The following RADIL variants were observed in gnomAD, a reference collection of about 807,000 sequenced individuals.
RADIL encodes the protein ras-associating and dilute domain-containing protein.
In RADIL, 99 loss-of-function variants were observed where a neutral mutation model predicts 97.6. That is an observed-to-expected ratio of 1.01 (90% CI 0.86 to 1.20). The LOEUF (loss-of-function observed/expected upper bound fraction) is 1.20. Among genes scored for constraint, RADIL ranks in the 50% most tolerant of loss-of-function variants. The pLI, the probability that RADIL is intolerant of heterozygous loss-of-function variation, is 0.00. For synonymous variants in RADIL, 803 were observed against 691.8 expected, an observed-to-expected ratio of 1.16 and a Z score of -2.52; for missense variants, 1,765 against 1,498.9, an observed-to-expected ratio of 1.18 and a Z score of -2.93.
rs1195970735 is a variant in RADIL at position 4,878,006 on chromosome 7, C to T, written c.134G>A (p.Ser45Asn). The T allele has an allele frequency of 6.2e-7, 1 of 1,611,284 alleles. No individual in the cohort carries two copies. Among genetic ancestry groups the T allele is most frequent in the East Asian group, 2.2e-5 (1 of 44,834 alleles). ...GGCGGGGTCATCGCTGGCGCCCAGG[C>T]TGGAGAAGGTGGAGTCCAGGTCCCG... ...KYRDLDSTFSSLGASDDPAEL... is the reference protein window; with the variant it reads ...KYRDLDSTFSNLGASDDPAEL... Residue 45 changes from serine (S) to asparagine (N), a missense_variant, in exon 2 of 15, where the codon AGC becomes AAC. Coordinates refer to ENST00000399583, the MANE Select transcript of RADIL (RefSeq NM_018059.5). This position sits in a 1 kb window ranked among gnomAD's most constrained non-coding sequence, Gnocchi z 4.1.
intron 2 of RADIL, among the ~76,000 whole-genome samples, chr7:4,868,430 C>T (rs1282540767): frequency 6.6e-6 from 1 of 152,142 alleles, no homozygotes; most frequent in African/African-American, 2.4e-5. Context: ...TATCAGCAAC[C>T]CTCACAACTT....
At position 4,817,301 on chromosome 7, in the gene RADIL, T is replaced by C; in HGVS notation, c.1666A>G (p.Met556Val). The change falls in exon 7 of 15, where the codon ATG becomes GTG. Residue 556 changes from methionine (M) to valine (V), a missense_variant. By Grantham distance (21) the Met-to-Val change is conservative. Transcript: ENST00000399583. This position sits in a 1 kb window ranked among gnomAD's most constrained non-coding sequence, Gnocchi z 8.3. ...SCTLTASEEA[M>V]AVLEEVVLYA... ...AGCACCACCTCCTCCAGCACCGCCA[T>C]GGCCTCCTCGCTGGCCGTCAGCGTG... 2.5e-6 allele frequency: 4 copies of C among 1,612,664 alleles called. No homozygotes were observed. Among genetic ancestry groups the C allele is most frequent in the Non-Finnish European group, 3.4e-6 (4 of 1,179,746 alleles).
At chr7:4,829,885 C>A (rs567370590) in intron 5 of RADIL, among the ~76,000 whole-genome samples, 5 of 152,226 alleles carry the variant, frequency 3.3e-5, no homozygotes, top group African/African-American at 1.2e-4. Context: ...TATAAATTAC[C>A]CAGTCTCGGA....
At chr7:4,874,092 C>G (rs1372684664) in intron 2 of RADIL, among the ~76,000 whole-genome samples, 1 of 152,240 alleles carries the variant, frequency 6.6e-6, no homozygotes. Flanking sequence ...GCAGGAGAGA[C>G]CTCTCAGAGG....
rs567933960 is a variant in RADIL, at chr7:4,800,162, G to A, written c.2982+9C>T. 2 of 1,600,940 alleles carry A rather than the reference G, an allele frequency of 1.2e-6. No individual in the cohort carries two copies. Among genetic ancestry groups the A allele is most frequent in the Non-Finnish European group, 1.7e-6 (2 of 1,175,028 alleles). ...TATGGGGGTGCGGCGAGGGTCCTGGGCCACTCACCATCCCGTCGATCAGGC... is the reference window on the plus strand; with the variant it reads ...TATGGGGGTGCGGCGAGGGTCCTGGACCACTCACCATCCCGTCGATCAGGC... On this transcript the variant is annotated intron_variant, in intron 13 of 14. Coordinates refer to ENST00000399583, the MANE Select transcript of RADIL (RefSeq NM_018059.5).
In RADIL at chr7:4,877,906, G is replaced by C. The variant is rs1784407439; in HGVS notation, c.234C>G (p.Tyr78Ter). Residue 78 changes from tyrosine to a stop codon, truncating the protein, a stop_gained, in exon 2 of 15, where the codon TAC (tyrosine) becomes TAG (stop). Transcript: ENST00000399583. LOFTEE classifies it high-confidence loss of function. ...AGGTGCCGGTGGCCAGGACGCTCTT[G>C]TAGTGGGTTCCTGTGCAGACACTGT... ...FGDSVCTGTH[Y>*]KSVLATGTSS... The C allele has an allele frequency of 1.9e-6, 3 of 1,606,080 alleles. No individual in the cohort carries two copies. The highest frequency in any genetic ancestry group is 1.3e-5 in the African/African-American group (1 of 74,918).
In RADIL at chr7:4,834,693, T is replaced by C; in HGVS notation, c.1330A>G (p.Ile444Val). The C allele has an allele frequency of 7.2e-7, 1 of 1,397,358 alleles. No homozygotes were observed. Among genetic ancestry groups the C allele is most frequent in the Admixed American group, 2.8e-5 (1 of 35,948 alleles). The allele number at this position is 1,397,358 out of a possible 1,614,324, so 86.6% of individuals were successfully genotyped here. A position where few individuals can be genotyped will look rare whatever the true frequency, so the allele number is the denominator to read the frequency against. ...LTPAFLLCLC[I>V]QHSATHFQPG... ...TGGAAGTGGGTGGCCGAGTGCTGGA[T>C]GCAGAGGCACAGGAGGAAGGCGGGG... is the stretch of plus-strand genomic sequence containing the variant. Residue 444 changes from isoleucine (I) to valine (V), a missense_variant, in exon 4 of 15, where the codon ATC (isoleucine) becomes GTC (valine). Physicochemically the swap from Ile to Val is conservative, Grantham distance 29. Transcript: ENST00000399583. The surrounding 1 kb of genome is among the most constrained non-coding windows in gnomAD (Gnocchi z 6.0).
chr7:4,862,137 G>C, intron 2 of RADIL: 1 of 307,658 alleles, frequency 3.3e-6, no homozygotes, highest in Non-Finnish European at 5.9e-6. Flanking sequence ...GCTATACATG[G>C]GGGTGGGCAG....
Position 4,836,468 on chromosome 7 carries a change from C to A in RADIL, c.673G>T (p.Ala225Ser), listed in dbSNP as rs777362767. 1 of 1,605,400 alleles carries A rather than the reference C, an allele frequency of 6.2e-7. No individual in the cohort carries two copies. Among genetic ancestry groups the A allele is most frequent in the African/African-American group, 1.3e-5 (1 of 74,876 alleles). ...GGGCCCTGGGCGGCAGCGGGCAGGG[C>A]GTTCACTGGGCTCAGGCTGGTCTCA... ...VSETSLSPVN[A>S]LPAAAQGPEE... Residue 225 changes from alanine to serine, a missense_variant, in exon 3 of 15, where the codon GCC becomes TCC. Ala to Ser is a moderately conservative substitution (Grantham distance 99, BLOSUM62 1). Coordinates refer to ENST00000399583, the MANE Select transcript of RADIL (RefSeq NM_018059.5).
chr7:4,808,549 A>G, intron 9 of RADIL: 3 of 971,198 alleles, frequency 3.1e-6, no homozygotes, highest in Non-Finnish European at 3.7e-6. Context: ...ACAAAGAAGG[A>G]GATGGGACAT....
Position 4,802,000 on chromosome 7 carries a change from G to C in RADIL, c.2500-5C>G. 6.7e-7 allele frequency: 1 copy of C among 1,497,322 alleles called. No individual in the cohort carries two copies. The highest frequency in any genetic ancestry group is 1.4e-5 in the African/African-American group (1 of 71,400). 92.8% of individuals were successfully genotyped at this position (1,497,322 alleles called of 1,614,324 possible). On this transcript the variant is annotated splice_region_variant and splice_polypyrimidine_tract_variant and intron_variant, in intron 11 of 14. Transcript: ENST00000399583. ...AAGGACCACGTGGTGCATACCCTAG[G>C]GAGAGGAAGGGTGACAGCTCAGGTA...
chr7:4,852,544 G>A (rs1783733505), intron 2 of RADIL, among the ~76,000 whole-genome samples: 1 of 152,176 alleles, frequency 6.6e-6, no homozygotes, highest in Non-Finnish European at 1.5e-5. Flanking sequence ...AGACTCCTAG[G>A]TTCAAGCAAT....
chr7:4,802,823 C>T (rs1439643100), intron 11 of RADIL, among the ~76,000 whole-genome samples: 3 of 123,904 alleles, frequency 2.4e-5, no homozygotes, highest in African/African-American at 1.0e-4. Context: ...GGACCCCCTC[C>T]CCGGGCACCT....
In RADIL at chr7:4,797,403, C is replaced by G. The variant is rs1049128096; in HGVS notation, c.*1975G>C. The G allele has an allele frequency of 2.0e-5, 3 of 152,220 alleles. No homozygotes were observed. Among genetic ancestry groups the G allele is most frequent in the African/African-American group, 7.2e-5 (3 of 41,446 alleles). The allele number at this position is 152,220 out of a possible 1,614,324, so 9.4% of individuals were successfully genotyped here. A position where few individuals can be genotyped will look rare whatever the true frequency, so the allele number is the denominator to read the frequency against. On this transcript the variant is annotated 3_prime_UTR_variant, in exon 15 of 15. Coordinates refer to ENST00000399583, the MANE Select transcript of RADIL (RefSeq NM_018059.5). ...CTGCATCCTGTTGTTCGGAGCAAGT[C>G]AGAAGGCCGGAGAATATTGCAGGGA...
chr7:4,808,682 C>T (rs1178981639), intron 9 of RADIL: 1 of 837,674 alleles, frequency 1.2e-6, no homozygotes, highest in African/African-American at 2.0e-5. Flanking sequence ...GACGCCACTG[C>T]CCCCGTTCCA....
Position 4,799,162 on chromosome 7 carries a change from A to G in RADIL, c.*216T>C. On this transcript the variant is annotated 3_prime_UTR_variant, in exon 15 of 15. Transcript: ENST00000399583. ...CTTCTCCATTGAAGTCTTTAAACAT[A>G]AAAGCTCTGTAACAAACATCACAAT... is the stretch of plus-strand genomic sequence containing the variant. 5.2e-6 allele frequency: 3 copies of G among 576,654 alleles called. No individual in the cohort carries two copies. The highest frequency in any genetic ancestry group is 6.2e-6 in the Non-Finnish European group (2 of 321,880). 35.7% of individuals were successfully genotyped at this position (576,654 alleles called of 1,614,324 possible).
rs199542721 is a variant in RADIL, at chr7:4,836,566, G to T, written c.575C>A (p.Ala192Glu). Residue 192 changes from alanine (A) to glutamate (E), a missense_variant, in exon 3 of 15, where the codon GCG becomes GAG. By Grantham distance (107) the Ala-to-Glu change is moderately radical. Coordinates refer to ENST00000399583, the MANE Select transcript of RADIL (RefSeq NM_018059.5). Reference protein sequence around the residue: ...AQARRLQRSRAKGTPTPALGD... With the variant: ...AQARRLQRSREKGTPTPALGD... ...CAGGGCCGGGGTCGGGGTTCCCTTC[G>T]CGCGACTCCGCTGCAGCCTCCGGGC... 1.7e-5 allele frequency: 27 copies of T among 1,607,422 alleles called. No homozygotes were observed. In the African/African-American group the frequency reaches 2.9e-4, roughly 17 times the overall value.
chr7:4,809,550 G>A (rs1472176968), intron 9 of RADIL: 2 of 985,316 alleles, frequency 2.0e-6, no homozygotes, highest in Non-Finnish European at 2.4e-6. Context: ...CCCCAGGCCC[G>A]CCCAGGCACC....
intron 10 of RADIL, chr7:4,805,101 A>T (rs567848977): frequency 0.03 from 4,623 of 154,308 alleles, 95 homozygotes; most frequent in African/African-American, 0.051. Context: ...TCTCAAAAAT[A>T]AAAATAAAAT....
Sources: gnomAD v4.1 joint callset for allele counts (sites outside exome capture counted in the v4.1 genomes callset) on GRCh38, gnomAD v4.1.1 for gene constraint, Gnocchi (gnomAD v3.1) non-coding constraint, MANE v1.5 for transcripts, NCBI Gene and HGNC (gene_info 2026-07-23, HGNC 2026-07-21) for gene names.